Variants in JHY observed in about 807,000 individuals in gnomAD.
JHY encodes the protein junctional cadherin complex regulator.
A neutral mutation model predicts 78.0 loss-of-function variants in JHY; 69 were observed. The observed-to-expected ratio is 0.88, with a 90% confidence interval of 0.73 to 1.08. The LOEUF is 1.08. Ranked by LOEUF, JHY falls within the 50% of genes least tolerant of loss-of-function variation. The pLI is 0.00. For synonymous variants in JHY, 368 were observed against 342.6 expected (o/e 1.07, Z -0.82); for missense variants, 944 against 927.8 (o/e 1.02, Z -0.23).
At position 122,885,927 on chromosome 11, in the gene JHY, A is replaced by C; in HGVS notation, c.78A>C (p.Thr26=). The C allele has an allele frequency of 6.2e-7, 1 of 1,614,146 alleles. No individual in the cohort carries two copies. Among genetic ancestry groups the C allele is most frequent in the Non-Finnish European group, 8.5e-7 (1 of 1,180,000 alleles). The change falls in exon 2 of 9, where the codon ACA becomes ACC. Residue 26 remains threonine, a synonymous_variant. Transcript: ENST00000227349. ...VLHTNLNVQS[T]HPPLKKEDLH... is the part of the protein sequence containing the mutation. ...ATACCAACTTAAATGTCCAGTCCAC[A>C]CACCCACCTTTGAAGAAAGAAGACT...
chr11:122,959,145 T>C, intron 8 of JHY, 103 bp from the exon 9 acceptor site: 1 of 1,414,682 alleles, frequency 7.1e-7, no homozygotes, highest in Non-Finnish European at 9.5e-7. Flanking sequence ...TAAGTTATAG[T>C]GATAGTCTCC....
rs545017924 is a variant in JHY at position 122,918,418 on chromosome 11, T to C, written c.865-6479T>C. On this transcript the variant is annotated intron_variant, in intron 3 of 8. Transcript: ENST00000227349. ...GGCTGGCAGAACTGCTAAGGATTGCTGAGGTGTTGGGAAATCACAACGTTA... is the reference window on the plus strand; with the variant it reads ...GGCTGGCAGAACTGCTAAGGATTGCCGAGGTGTTGGGAAATCACAACGTTA... 8.5e-4 allele frequency among the ~76,000 whole-genome samples: 129 copies of C among 151,484 alleles called. 12 individuals carry two copies. The highest frequency in any genetic ancestry group is 3.0e-3 in the African/African-American group (122 of 40,824).
Position 122,935,162 on chromosome 11 carries a change from A to G in JHY, c.1634+87A>G. ...ACGGGAGAGGAAGAAGGGGAAGGGG[A>G]ATCCATAAGGTGGCTAGGTGAGAAG... On this transcript the variant is annotated intron_variant, in intron 5 of 8. Transcript: ENST00000227349. The surrounding 1 kb of genome is among the most constrained non-coding windows in gnomAD (Gnocchi z 4.5). The G allele has an allele frequency of 8.0e-7, 1 of 1,253,712 alleles. No individual in the cohort carries two copies. The highest frequency in any genetic ancestry group is 1.1e-6 in the Non-Finnish European group (1 of 914,772). 77.7% of individuals were successfully genotyped at this position (1,253,712 alleles called of 1,614,324 possible). A position where few individuals can be genotyped will look rare whatever the true frequency, so the allele number is the denominator to read the frequency against.
intron 5 of JHY, among the ~76,000 whole-genome samples, chr11:122,943,772 T>A (rs1319879717): frequency 6.6e-6 from 1 of 152,248 alleles, no homozygotes; most frequent in East Asian, 1.9e-4. Context: ...ACCAGCTTTT[T>A]AAATTTAGCA....
intron 4 of JHY, chr11:122,927,309 G>T (rs1863528435): frequency 6.6e-6 from 1 of 152,206 alleles, no homozygotes; most frequent in East Asian, 1.9e-4. Flanking sequence ...TTCCCTGCGT[G>T]TACTGTAATT....
chr11:122,912,155 T>C (rs1263657000), intron 3 of JHY, among the ~76,000 whole-genome samples: 1 of 151,472 alleles, frequency 6.6e-6, no homozygotes, highest in Non-Finnish European at 1.5e-5. Context: ...GGCCTCGTGG[T>C]GCGCACCTGT....
intron 3 of JHY, among the ~76,000 whole-genome samples, chr11:122,911,934 A>G (rs1488395085): frequency 4.4e-4 from 60 of 135,164 alleles, no homozygotes; most frequent in African/African-American, 1.5e-3. Context: ...AAAAAAAAAA[A>G]AGAGACAAAG....
intron 2 of JHY, among the ~76,000 whole-genome samples, chr11:122,902,918 G>A (rs1460065647): frequency 6.6e-6 from 1 of 151,716 alleles, no homozygotes; most frequent in Non-Finnish European, 1.5e-5. Context: ...ATATCATACA[G>A]TAAATACAAA....
chr11:122,925,085 C>A, intron 4 of JHY, 75 bp downstream of exon 4: 1 of 1,143,492 alleles, frequency 8.7e-7, no homozygotes, highest in Non-Finnish European at 1.3e-6. Context: ...TGACTGAGTT[C>A]TTATCACTTA....
At chr11:122,893,313 G>T (rs1216757754) in intron 2 of JHY, among the ~76,000 whole-genome samples, 4 of 152,164 alleles carry the variant, frequency 2.6e-5, no homozygotes, top group African/African-American at 9.7e-5. Flanking sequence ...CTCAGAGCAG[G>T]CATGGTGCCA....
chr11:122,959,217 T>G, intron 8 of JHY, 31 bp from the exon 9 acceptor site: 1 of 1,587,672 alleles, frequency 6.3e-7, no homozygotes, highest in Non-Finnish European at 8.6e-7. Context: ...CACTTCCCAT[T>G]TCAAATAAAA....
intron 8 of JHY, among the ~76,000 whole-genome samples, chr11:122,957,824 C>CACAG (rs997830381): frequency 2.0e-5 from 3 of 151,774 alleles, no homozygotes; most frequent in Non-Finnish European, 4.4e-5. Context: ...CACACACACA[C>CACAG]ACACACACTT....
chr11:122,951,907 G>C (rs2312937), intron 6 of JHY, among the ~76,000 whole-genome samples: 1 of 151,916 alleles, frequency 6.6e-6, no homozygotes, highest in South Asian at 2.1e-4. Context: ...AATCTCATCA[G>C]GGATTGGTTG....
At chr11:122,952,570 C>A (rs987075952) in intron 6 of JHY, among the ~76,000 whole-genome samples, 1 of 152,144 alleles carries the variant, frequency 6.6e-6, no homozygotes, top group Non-Finnish European at 1.5e-5. Flanking sequence ...CCCTTCATAT[C>A]GAGGTGTAAT....
intron 2 of JHY, among the ~76,000 whole-genome samples, chr11:122,903,050 CAT>C (rs1224839842): frequency 6.6e-6 from 1 of 152,230 alleles, no homozygotes; most frequent in African/African-American, 2.4e-5. Context: ...GCACCACAAA[CAT>C]ATGAGCAACA....
At position 122,886,181 on chromosome 11, in the gene JHY, G is replaced by A. The variant is rs368246436; in HGVS notation, c.332G>A (p.Gly111Asp). The change falls in exon 2 of 9, where the codon GGC becomes GAC. Residue 111 changes from glycine (G) to aspartate (D), a missense_variant. Coordinates refer to ENST00000227349, the MANE Select transcript of JHY (RefSeq NM_024806.4). ...REQNHHTWDQ[G>D]ANNRQQPIED... ...CAAAACCACCATACCTGGGACCAGG[G>A]CGCCAATAACAGGTAAGGAATTGGC... 1 of 1,610,506 alleles carries A rather than the reference G, an allele frequency of 6.2e-7. No individual in the cohort carries two copies. Among genetic ancestry groups the A allele is most frequent in the African/African-American group, 1.3e-5 (1 of 74,746 alleles).
chr11:122,906,019 G>T (rs1365371234), intron 3 of JHY: 1 of 152,086 alleles, frequency 6.6e-6, no homozygotes, highest in African/African-American at 2.4e-5. Flanking sequence ...AATAGGTGTA[G>T]TATATATAGC....
intron 6 of JHY, among the ~76,000 whole-genome samples, chr11:122,955,936 A>G (rs1864181180): frequency 1.3e-5 from 2 of 152,222 alleles, no homozygotes; most frequent in Admixed American, 6.5e-5. Flanking sequence ...CATTTGGCCC[A>G]GTAAACTGTC....
At chr11:122,907,924 G>GT (rs1482408466) in intron 3 of JHY, among the ~76,000 whole-genome samples, 14 of 141,388 alleles carry the variant, frequency 9.9e-5, no homozygotes, top group African/African-American at 2.1e-4. Flanking sequence ...TTTCTTTTTT[G>GT]TTTTTTTTAT....
Sources: gnomAD v4.1 joint callset for allele counts (sites outside exome capture counted in the v4.1 genomes callset) on GRCh38, gnomAD v4.1.1 for gene constraint, Gnocchi (gnomAD v3.1) non-coding constraint, MANE v1.5 for transcripts, NCBI Gene and HGNC (gene_info 2026-07-23, HGNC 2026-07-21) for gene names.